The following SLC35F3 variants were observed in gnomAD, a reference collection of about 807,000 sequenced individuals.
SLC35F3 encodes the protein putative thiamine transporter SLC35F3.
A neutral mutation model predicts 49.9 loss-of-function variants in SLC35F3; 25 were observed. The observed-to-expected ratio is 0.50, with a 90% CI of 0.37 to 0.70. The LOEUF (loss-of-function observed/expected upper bound fraction) is 0.70. Ranked by LOEUF, SLC35F3 falls within the 30% of genes least tolerant of loss-of-function variation. The pLI is 0.00. For missense variants in SLC35F3, 525 were observed against 639.8 expected, an observed-to-expected ratio of 0.82 and a Z score of 1.94; for synonymous variants, 275 against 265.4, an observed-to-expected ratio of 1.04 and a Z score of -0.35.
chr1:233,911,792 A>G (rs912226644), intron 2 of SLC35F3, among the ~76,000 whole-genome samples: 4 of 152,212 alleles, frequency 2.6e-5, no homozygotes, highest in Non-Finnish European at 4.4e-5. Flanking sequence ...AATCTGAAGT[A>G]CGCATATGGT....
intron 2 of SLC35F3, among the ~76,000 whole-genome samples, chr1:233,941,954 G>GTTTTT (rs141578626): frequency 8.3e-6 from 1 of 120,176 alleles, no homozygotes; most frequent in African/African-American, 3.5e-5. Context: ...GTTGTTTTTT[G>GTTTTT]TTTTTTTGTT....
chr1:234,042,675 C>G (rs1386035471), intron 2 of SLC35F3, among the ~76,000 whole-genome samples: 1 of 152,174 alleles, frequency 6.6e-6, no homozygotes, highest in Non-Finnish European at 1.5e-5. Flanking sequence ...TCACAACATC[C>G]TGACACAATT....
chr1:234,031,173 G>A (rs1246290134), intron 2 of SLC35F3, among the ~76,000 whole-genome samples: 5 of 152,180 alleles, frequency 3.3e-5, no homozygotes, highest in Non-Finnish European at 7.3e-5. Context: ...TCTGACAAGC[G>A]CACCCACTTT....
intron 2 of SLC35F3, among the ~76,000 whole-genome samples, chr1:233,910,089 C>T (rs1661850306): frequency 6.6e-6 from 1 of 152,218 alleles, no homozygotes; most frequent in Non-Finnish European, 1.5e-5. Context: ...AATTGACACC[C>T]TGTAGGAAGT....
At chr1:234,258,742 G>T (rs1481825520) in intron 3 of SLC35F3, among the ~76,000 whole-genome samples, 1 of 152,238 alleles carries the variant, frequency 6.6e-6, no homozygotes, top group East Asian at 1.9e-4. Context: ...ATTTCTCTCA[G>T]ATTTCTCTTA....
At chr1:234,265,763 C>A (rs778291474) in intron 3 of SLC35F3, among the ~76,000 whole-genome samples, 1 of 152,142 alleles carries the variant, frequency 6.6e-6, no homozygotes, top group Non-Finnish European at 1.5e-5. Flanking sequence ...GTGCCCCCAC[C>A]ACATCACTCA....
chr1:234,148,401 A>G (rs1572069984), intron 2 of SLC35F3, among the ~76,000 whole-genome samples: 1 of 152,142 alleles, frequency 6.6e-6, no homozygotes, highest in African/African-American at 2.4e-5. Flanking sequence ...GCAACAGTCT[A>G]TGCTAGCTCA....
intron 2 of SLC35F3, among the ~76,000 whole-genome samples, chr1:233,952,734 AC>A (rs1662627818): frequency 6.6e-6 from 1 of 151,876 alleles, no homozygotes; most frequent in Non-Finnish European, 1.5e-5. Context: ...TCTGTTTGTA[AC>A]CCTTGGCATC....
chr1:234,141,141 C>T (rs1290672815), intron 2 of SLC35F3, among the ~76,000 whole-genome samples: 6 of 152,158 alleles, frequency 3.9e-5, no homozygotes, highest in Non-Finnish European at 8.8e-5. Flanking sequence ...GTTTGACATG[C>T]AGATGGTGTC....
At chr1:234,158,505 A>G (rs1187565835) in intron 2 of SLC35F3, among the ~76,000 whole-genome samples, 1 of 152,218 alleles carries the variant, frequency 6.6e-6, no homozygotes, top group African/African-American at 2.4e-5. Context: ...TTTTTACATC[A>G]TAGACATTTC....
intron 2 of SLC35F3, among the ~76,000 whole-genome samples, chr1:234,108,923 G>A (rs116699005): frequency 1.2e-3 from 183 of 151,228 alleles, no homozygotes; most frequent in African/African-American, 3.3e-3. Context: ...GGACACAGTC[G>A]TTCTGATCAT....
At chr1:234,301,517 C>T (rs1403419190) in intron 3 of SLC35F3, among the ~76,000 whole-genome samples, 2 of 152,076 alleles carry the variant, frequency 1.3e-5, no homozygotes, top group African/African-American at 4.8e-5. Flanking sequence ...GTCAGAATGG[C>T]AATTATTAAA....
intron 3 of SLC35F3, among the ~76,000 whole-genome samples, chr1:234,256,354 C>A (rs905328474): frequency 1.3e-5 from 2 of 152,186 alleles, no homozygotes; most frequent in Non-Finnish European, 2.9e-5. Context: ...CAGACCTCCT[C>A]TTGGCCAAGA....
At chr1:233,943,849 A>C (rs1025991169) in intron 2 of SLC35F3, among the ~76,000 whole-genome samples, 1 of 152,258 alleles carries the variant, frequency 6.6e-6, no homozygotes, top group African/African-American at 2.4e-5. Flanking sequence ...GGTTTAAGGA[A>C]ATAATCAGCT....
chr1:233,944,061 G>A (rs1392458103), intron 2 of SLC35F3, among the ~76,000 whole-genome samples: 1 of 152,124 alleles, frequency 6.6e-6, no homozygotes, highest in African/African-American at 2.4e-5. Context: ...GAAATTTATA[G>A]CACTAAATGC....
At chr1:234,048,196 G>A (rs1664322380) in intron 2 of SLC35F3, among the ~76,000 whole-genome samples, 1 of 152,190 alleles carries the variant, frequency 6.6e-6, no homozygotes, top group Non-Finnish European at 1.5e-5. Context: ...ACAGTAAAAT[G>A]TGAGAGAAGA....
intron 2 of SLC35F3, among the ~76,000 whole-genome samples, chr1:233,926,250 C>G (rs1271179675): frequency 6.6e-6 from 1 of 152,160 alleles, no homozygotes; most frequent in South Asian, 2.1e-4. Context: ...TTCCATTCTC[C>G]CTGTCACTTT....
chr1:233,983,760 C>T (rs1310149279), intron 2 of SLC35F3, among the ~76,000 whole-genome samples: 1 of 152,170 alleles, frequency 6.6e-6, no homozygotes, highest in African/African-American at 2.4e-5. Flanking sequence ...CACTGGTGTT[C>T]TCACTGTAAA....
At chr1:234,066,821 C>A (rs2102865395) in intron 2 of SLC35F3, among the ~76,000 whole-genome samples, 1 of 132,520 alleles carries the variant, frequency 7.5e-6, no homozygotes, top group Non-Finnish European at 1.6e-5. Context: ...GTCTCTGTCC[C>A]TCTCTCTCCC....
Sources: allele counts gnomAD v4.1 joint callset (sites outside exome capture counted in the v4.1 genomes callset), GRCh38; gene constraint gnomAD v4.1.1; transcripts MANE v1.5; gene names NCBI Gene and HGNC (gene_info 2026-07-23, HGNC 2026-07-21).